C19orf38: variants seen among roughly 807,000 people sequenced by gnomAD.
C19orf38 encodes protein HIDE1.
C19orf38 carries 14 observed loss-of-function variants against 26.6 expected under a neutral mutation model. The observed-to-expected ratio is 0.53, with a 90% CI of 0.35 to 0.82. The LOEUF (loss-of-function observed/expected upper bound fraction) is 0.82. Among genes scored for constraint, C19orf38 ranks in the 40% least tolerant of loss-of-function variants. The pLI is 0.01. For synonymous variants in C19orf38, 132 were observed against 128.5 expected (o/e 1.03, Z -0.18); for missense variants, 261 against 299.5 (o/e 0.87, Z 0.95).
intron 4 of C19orf38, among the ~76,000 whole-genome samples, chr19:10,859,510 G>A (rs2073675408): frequency 6.6e-6 from 1 of 150,614 alleles, no homozygotes. Context: ...AGACTCCTGA[G>A]TAGCTGGGAC....
chr19:10,848,896 G>A (rs954624373), intron 1 of C19orf38, among the ~76,000 whole-genome samples: 1 of 151,986 alleles, frequency 6.6e-6, no homozygotes, highest in South Asian at 2.1e-4. Flanking sequence ...GGGGTGGGTG[G>A]GGGTTGGAGG....
In C19orf38 at chr19:10,857,366, A is replaced by ATATATATATT. The variant is rs1433358051; in HGVS notation, c.434-949_434-948insATATATATTT. Among the ~76,000 whole-genome samples the ATATATATATT allele has an allele frequency of 6.1e-3, 344 of 56,046 alleles. 7 individuals are homozygous for ATATATATATT. Among genetic ancestry groups the ATATATATATT allele is most frequent in the African/African-American group, 8.6e-3 (50 of 5,814 alleles). 36.8% of individuals were successfully genotyped at this position (56,046 alleles called of 152,430 possible). A position where few individuals can be genotyped will look rare whatever the true frequency, so the allele number is the denominator to read the frequency against. ...TATATATATATATATATATATATAT[A>ATATATATATT]TTTTTTTTTTTTTTTTTTTAAGATG... is the stretch of plus-strand genomic sequence containing the variant. On this transcript the variant is annotated intron_variant, in intron 3 of 6. Transcript: ENST00000397820.
intron 2 of C19orf38, among the ~76,000 whole-genome samples, chr19:10,854,767 CT>C (rs2073607249): frequency 1.3e-5 from 2 of 151,998 alleles, no homozygotes. Flanking sequence ...TACCGTTGGG[CT>C]GGGGGTGGAT....
At chr19:10,858,226 T>TTA (rs1555721263) in intron 3 of C19orf38, 90 bp from the exon 4 acceptor site, 5 of 321,616 alleles carry the variant, frequency 1.6e-5, no homozygotes, top group African/African-American at 1.2e-4. Context: ...AGACTCTGTC[T>TTA]AAAAAAAAAA....
At chr19:10,846,565 A>G (rs768007052), upstream of C19orf38, among the ~76,000 whole-genome samples, 1 of 152,158 alleles carries the variant, frequency 6.6e-6, no homozygotes, top group African/African-American at 2.4e-5. Context: ...AAATAAAACA[A>G]CAAATCCAAA....
chr19:10,858,429 C>T (rs2073654317), intron 4 of C19orf38, 86 bp downstream of exon 4: 1 of 1,272,742 alleles, frequency 7.9e-7, no homozygotes. Context: ...ATGCCCCCCA[C>T]AAACAGCGCC....
At position 10,869,530 on chromosome 19, in the gene C19orf38, G is replaced by A. The variant is rs2073783475; in HGVS notation, c.*163G>A. 1 of 1,042,478 alleles carries A rather than the reference G, an allele frequency of 9.6e-7. No homozygotes were observed. The allele number at this position is 1,042,478 out of a possible 1,614,324, so 64.6% of individuals were successfully genotyped here. ...TTTTCATCACAGAGGAGTGGGAGAGGGGACACAGGCATGGGCCTGGCACTA... is the reference window on the plus strand; with the variant it reads ...TTTTCATCACAGAGGAGTGGGAGAGAGGACACAGGCATGGGCCTGGCACTA... On this transcript the variant is annotated 3_prime_UTR_variant, in exon 7 of 7. Transcript: ENST00000397820.
chr19:10,852,232 T>TG (rs2073580405), intron 2 of C19orf38, among the ~76,000 whole-genome samples: 1 of 151,942 alleles, frequency 6.6e-6, no homozygotes, highest in African/African-American at 2.4e-5. Flanking sequence ...CCAGAGTAGC[T>TG]GGGATTACAG....
upstream of C19orf38, among the ~76,000 whole-genome samples, chr19:10,846,580 G>T (rs767167052): frequency 3.6e-4 from 55 of 152,056 alleles, no homozygotes; most frequent in Non-Finnish European, 6.2e-4. Context: ...TCCAAACTGT[G>T]GCACTTTGAA....
upstream of C19orf38, among the ~76,000 whole-genome samples, chr19:10,843,752 G>C (rs1483154820): frequency 6.6e-6 from 1 of 152,146 alleles, no homozygotes; most frequent in Non-Finnish European, 1.5e-5. Flanking sequence ...AGCATGGTGG[G>C]AGACACGGGA....
chr19:10,849,510 ATC>A (rs1305871220), intron 1 of C19orf38, among the ~76,000 whole-genome samples: 1 of 152,122 alleles, frequency 6.6e-6, no homozygotes, highest in Admixed American at 6.6e-5. Flanking sequence ...GTGAGATCCC[ATC>A]TCTACACAAA....
At chr19:10,863,144 G>A in intron 5 of C19orf38, 26 bp from the exon 6 acceptor site, 1 of 1,549,858 alleles carries the variant, frequency 6.5e-7, no homozygotes, top group East Asian at 2.4e-5. Context: ...CCCCAATCCT[G>A]GGTTTTCTTT....
chr19:10,850,653 C>G (rs1326998437), intron 2 of C19orf38, 86 bp downstream of exon 2: 4 of 1,411,774 alleles, frequency 2.8e-6, no homozygotes, highest in Non-Finnish European at 3.9e-6. Context: ...CAGAGGCCTT[C>G]CCAGAAAAAG....
intron 2 of C19orf38, among the ~76,000 whole-genome samples, chr19:10,850,771 C>G (rs765060312): frequency 2.0e-5 from 3 of 152,134 alleles, no homozygotes; most frequent in Non-Finnish European, 4.4e-5. Flanking sequence ...CTCACAGGGC[C>G]GACTTCAGGT....
chr19:10,860,099 C>T, intron 5 of C19orf38, 141 bp downstream of exon 5: 3 of 836,342 alleles, frequency 3.6e-6, no homozygotes, highest in Middle Eastern at 2.3e-4. Flanking sequence ...CCACCTCTTC[C>T]CCTGGGTTCT....
In C19orf38 at chr19:10,869,259, C is replaced by T. The variant is rs1156641549; in HGVS notation, c.585C>T (p.His195=). Residue 195 remains histidine (H), a synonymous_variant, in exon 7 of 7, where the codon CAC becomes CAT. Coordinates refer to ENST00000397820, the MANE Select transcript of C19orf38 (RefSeq NM_001136482.3). ...AAGACCCGGCCACCTTGGATGATCACTCAGGCACCACTGCCACCCCCAGCA... is the reference window on the plus strand; with the variant it reads ...AAGACCCGGCCACCTTGGATGATCATTCAGGCACCACTGCCACCCCCAGCA... ...PEEDPATLDD[H]SGTTATPSNS... 6.4e-7 allele frequency: 1 copy of T among 1,551,690 alleles called. No homozygotes were observed. The highest frequency in any genetic ancestry group is 1.2e-5 in the South Asian group (1 of 84,056).
intron 2 of C19orf38, among the ~76,000 whole-genome samples, chr19:10,854,187 C>T (rs2073601935): frequency 2.0e-5 from 3 of 151,790 alleles, no homozygotes; most frequent in Admixed American, 6.6e-5. Context: ...CTCAGCCTCC[C>T]GAGTAGCTGG....
intron 2 of C19orf38, among the ~76,000 whole-genome samples, chr19:10,855,975 T>C (rs2073621249): frequency 6.6e-6 from 1 of 152,164 alleles, no homozygotes; most frequent in Non-Finnish European, 1.5e-5. Context: ...AAGATATCTA[T>C]CCTATGCAAT....
intron 2 of C19orf38, 84 bp downstream of exon 2, chr19:10,850,651 T>C: frequency 7.0e-7 from 1 of 1,428,214 alleles, no homozygotes; most frequent in Non-Finnish European, 9.5e-7. Flanking sequence ...CTCAGAGGCC[T>C]TCCCAGAAAA....
Sources: allele counts gnomAD v4.1 joint callset (sites outside exome capture counted in the v4.1 genomes callset), GRCh38; gene constraint gnomAD v4.1.1; transcripts MANE v1.5; gene names NCBI Gene and HGNC (gene_info 2026-07-23, HGNC 2026-07-21).